TPTE2: variants seen among roughly 807,000 people sequenced by gnomAD.
TPTE2 encodes the protein transmembrane phosphoinositide 3-phosphatase and tensin homolog 2, also known as phosphatidylinositol 3,4,5-trisphosphate 3-phosphatase TPTE2.
TPTE2 carries 53 observed loss-of-function variants against 78.6 expected under a neutral mutation model. That is an observed-to-expected ratio of 0.67 (90% confidence interval 0.54 to 0.85). The LOEUF (loss-of-function observed/expected upper bound fraction) is 0.85. TPTE2 is among the 40% of genes least tolerant of loss of function. The pLI is 0.00. For synonymous variants in TPTE2, 175 were observed against 206.2 expected (o/e 0.85, Z 1.30); for missense variants, 461 against 623.0 (o/e 0.74, Z 2.77).
intron 1 of TPTE2, among the ~76,000 whole-genome samples, chr13:19,509,409 T>C (rs1409857932): frequency 6.6e-6 from 1 of 152,070 alleles, no homozygotes; most frequent in African/African-American, 2.4e-5. Flanking sequence ...AGAGTGAATA[T>C]CCAAATACAA....
At chr13:19,497,356 C>G (rs1881412392) in intron 1 of TPTE2, among the ~76,000 whole-genome samples, 1 of 135,808 alleles carries the variant, frequency 7.4e-6, no homozygotes, top group Admixed American at 7.7e-5. Flanking sequence ...AGGGCACAGA[C>G]AAACAAAAAG....
intron 1 of TPTE2, among the ~76,000 whole-genome samples, chr13:19,529,999 C>T (rs1322892254): frequency 6.6e-6 from 1 of 152,138 alleles, no homozygotes; most frequent in Non-Finnish European, 1.5e-5. Flanking sequence ...TATTAACTAC[C>T]ACTCCAACAT....
chr13:19,470,143 A>T (rs1448520297), intron 6 of TPTE2, among the ~76,000 whole-genome samples: 3 of 152,160 alleles, frequency 2.0e-5, no homozygotes, highest in African/African-American at 7.2e-5. Context: ...TTCCCCATTC[A>T]GTACGGTACT....
At chr13:19,472,743 C>T (rs1352617172) in intron 6 of TPTE2, among the ~76,000 whole-genome samples, 1 of 152,158 alleles carries the variant, frequency 6.6e-6, no homozygotes, top group Admixed American at 6.5e-5. Context: ...GGTGTCTAGG[C>T]ATTGAAGAGT....
chr13:19,468,716 G>C (rs1879437478), intron 6 of TPTE2, among the ~76,000 whole-genome samples: 1 of 152,064 alleles, frequency 6.6e-6, no homozygotes. Context: ...TTTTAGCTGG[G>C]GTGAGATGAT....
chr13:19,442,961 C>T (rs1877588425), intron 13 of TPTE2, among the ~76,000 whole-genome samples: 2 of 152,036 alleles, frequency 1.3e-5, no homozygotes, highest in Non-Finnish European at 2.9e-5. Flanking sequence ...TTTCACTTTA[C>T]ACTTAAGAAG....
At chr13:19,497,278 C>T (rs61955171) in intron 1 of TPTE2, among the ~76,000 whole-genome samples, 36 of 138,582 alleles carry the variant, frequency 2.6e-4, no homozygotes, top group African/African-American at 8.4e-4. Context: ...CCAGGAAGCT[C>T]GAACTGGGCG....
At chr13:19,426,598 T>C (rs1876110512) in intron 17 of TPTE2, 81 bp from the exon 21 acceptor site, 1 of 787,526 alleles carries the variant, frequency 1.3e-6, no homozygotes, top group Non-Finnish European at 2.2e-6. Flanking sequence ...CATGACTTCC[T>C]GTATTTATCA....
the TPTE2 span, among the ~76,000 whole-genome samples, chr13:19,553,976 ATATC>A: frequency 6.6e-6 from 1 of 152,368 alleles, no homozygotes; most frequent in Non-Finnish European, 1.5e-5. Context: ...ATGAATAACA[ATATC>A]TATCCCTTGG....
At chr13:19,547,716 T>TATAC in the TPTE2 span, among the ~76,000 whole-genome samples, 5 of 120,718 alleles carry the variant, frequency 4.1e-5, no homozygotes, top group African/African-American at 7.4e-5. Context: ...AAGTAATAAA[T>TATAC]ATACATATAT....
rs138958762 is a variant in TPTE2, at chr13:19,428,812, A to G, written c.1302+1656T>C. Among the ~76,000 whole-genome samples, 742 of 152,246 alleles carry G rather than the reference A, an allele frequency of 4.9e-3. 2 individuals carry two copies. The highest frequency in any genetic ancestry group is 0.017 in the African/African-American group (710 of 41,554). On this transcript the variant is annotated intron_variant, in intron 17 of 19. Transcript: ENST00000400230. ...TGTGTTCCAAGAGCCAAAAGGGATG[A>G]CCCAGTTTATTTGGAATGAAGTCTG...
the TPTE2 span, among the ~76,000 whole-genome samples, chr13:19,548,466 T>C: frequency 1.3e-5 from 2 of 152,030 alleles, no homozygotes; most frequent in Non-Finnish European, 2.9e-5. Flanking sequence ...ATCTCACTGT[T>C]CTTCTTGGCT....
In TPTE2 at chr13:19,463,010, G is replaced by C. The variant is rs186076818; in HGVS notation, c.741+1446C>G. On this transcript the variant is annotated intron_variant, in intron 10 of 19. Transcript: ENST00000400230. The stretch of plus-strand genomic sequence containing the variant: ...ATTGTATTTTTTTTTTTCAGACAGG[G>C]TATCACTCTGCCACCCAGGCTGGAG... Among the ~76,000 whole-genome samples, 369 of 148,588 alleles carry C rather than the reference G, an allele frequency of 2.5e-3. 1 individual carries two copies. The highest frequency in any genetic ancestry group is 8.8e-3 in the African/African-American group (355 of 40,316).
At position 19,454,279 on chromosome 13, in the gene TPTE2, A is replaced by T. The variant is rs531870099; in HGVS notation, c.742-3054T>A. On this transcript the variant is annotated intron_variant, in intron 10 of 19. Coordinates refer to ENST00000400230, the Ensembl canonical transcript of TPTE2. ...TGATTCCCTTTTAAGAATAAAGGGG[A>T]ATCACATGACTGTTTAGCATCCTCT... Among the ~76,000 whole-genome samples the T allele has an allele frequency of 2.0e-5, 3 of 152,318 alleles. No homozygotes were observed. In the South Asian group the frequency reaches 6.2e-4, roughly 32 times the overall value.
chr13:19,493,016 T>C lies in TPTE2; in HGVS notation c.66-113A>G. On this transcript the variant is annotated intron_variant, in intron 2 of 19. Coordinates refer to ENST00000400230, the Ensembl canonical transcript of TPTE2. ...GAAACCAATTAATTTCTGTCAGAAATCTGAGTCCCATAAAAATACTGCTTA... is the reference window on the plus strand; with the variant it reads ...GAAACCAATTAATTTCTGTCAGAAACCTGAGTCCCATAAAAATACTGCTTA... 2.1e-6 allele frequency: 3 copies of C among 1,445,336 alleles called. No homozygotes were observed. The South Asian group carries it at 3.7e-5, about 18-fold the overall frequency. The allele number at this position is 1,445,336 out of a possible 1,614,324, so 89.5% of individuals were successfully genotyped here.
Position 19,497,170 on chromosome 13 carries a change from T to C in TPTE2, c.12-3669A>G, listed in dbSNP as rs377336302. Among the ~76,000 whole-genome samples the C allele has an allele frequency of 2.6e-4, 40 of 151,650 alleles. No individual in the cohort carries two copies. The South Asian group carries it at 2.8e-3, about 11-fold the overall frequency. On this transcript the variant is annotated intron_variant, in intron 1 of 19. Transcript: ENST00000400230. ...TCCTACGCCCACGGAGTCTCGCTGA[T>C]TGCTAGCACAGCAGTCTGAGATCAA...
At chr13:19,430,662 T>C (rs911820094) in intron 16 of TPTE2, 115 bp from the exon 20 acceptor site, 2 of 667,110 alleles carry the variant, frequency 3.0e-6, no homozygotes, top group East Asian at 2.8e-5. Flanking sequence ...TAACAACGTA[T>C]CAATAGTTAC....
intron 1 of TPTE2, among the ~76,000 whole-genome samples, chr13:19,496,939 C>T (rs1274789408): frequency 2.0e-5 from 3 of 152,078 alleles, no homozygotes; most frequent in Admixed American, 6.5e-5. Flanking sequence ...TCAGTGGGTG[C>T]GCGCACCGTG....
rs1216105594 is a variant in TPTE2, at chr13:19,486,405, C to A, written c.120-3858G>T. 6.6e-6 allele frequency among the ~76,000 whole-genome samples: 1 copy of A among 152,142 alleles called. No individual in the cohort carries two copies. Among genetic ancestry groups the A allele is most frequent in the South Asian group, 2.1e-4 (1 of 4,826 alleles). ...CAGGGTAGGGGTGTGTGCAGGCATA[C>A]ACTGGGTCAGAAAACTTGGAGTATG... On this transcript the variant is annotated intron_variant, in intron 3 of 19. Transcript: ENST00000400230. The surrounding 1 kb of genome is among the most constrained non-coding windows in gnomAD (Gnocchi z 4.3).
Sources: gnomAD v4.1 joint callset for allele counts (sites outside exome capture counted in the v4.1 genomes callset) on GRCh38, gnomAD v4.1.1 for gene constraint, Gnocchi (gnomAD v3.1) non-coding constraint, MANE v1.5 for transcripts, NCBI Gene and HGNC (gene_info 2026-07-23, HGNC 2026-07-21) for gene names.